Variants in ST3GAL3 observed in about 807,000 individuals in gnomAD.
ST3GAL3 encodes the protein CMP-N-acetylneuraminate-beta-1,4-galactoside alpha-2,3-sialyltransferase.
ST3GAL3 carries 21 observed loss-of-function variants against 50.1 expected under a neutral mutation model. The observed-to-expected ratio is 0.42, with a 90% confidence interval of 0.30 to 0.60. ST3GAL3 has a LOEUF of 0.60. Among genes scored for constraint, ST3GAL3 ranks in the 20% least tolerant of loss-of-function variants. ST3GAL3 has a pLI of 0.19. For synonymous variants in ST3GAL3, 183 were observed against 190.0 expected, an observed-to-expected ratio of 0.96 and a Z score of 0.30; for missense variants, 353 against 489.4, an observed-to-expected ratio of 0.72 and a Z score of 2.63.
intron 5 of ST3GAL3, chr1:43,894,116 TC>T: frequency 2.0e-6 from 1 of 488,036 alleles, no homozygotes; most frequent in Non-Finnish European, 3.8e-6. Flanking sequence ...GAGAAATTGA[TC>T]CTTGCTGAAC....
In ST3GAL3 at chr1:43,893,731, A is replaced by G. The variant is rs530901991; in HGVS notation, c.303-652A>G. Among the ~76,000 whole-genome samples, 12 of 152,146 alleles carry G rather than the reference A, an allele frequency of 7.9e-5. 1 individual carries two copies. In the South Asian group the frequency reaches 2.5e-3, roughly 32 times the overall value. ...GCTCTGGGTCCCTCCTCACTTCCAC[A>G]AGAACTTAGCCTCCTCTCTTTCCTT... is the stretch of plus-strand genomic sequence containing the variant. On this transcript the variant is annotated intron_variant, in intron 5 of 11. Coordinates refer to ENST00000347631, the MANE Select transcript of ST3GAL3 (RefSeq NM_006279.5).
chr1:43,903,670 G>C (rs1000506576), intron 9 of ST3GAL3, among the ~76,000 whole-genome samples: 2 of 152,188 alleles, frequency 1.3e-5, no homozygotes, highest in East Asian at 3.9e-4. Flanking sequence ...GGAGGAGAGG[G>C]AGGAGGGCAG....
At chr1:43,854,656 C>T (rs1401294293) in intron 5 of ST3GAL3, among the ~76,000 whole-genome samples, 1 of 152,224 alleles carries the variant, frequency 6.6e-6, no homozygotes, top group Non-Finnish European at 1.5e-5. Context: ...GACCCAAATA[C>T]CCAACTTCCT....
chr1:43,901,863 C>T (rs556127024), intron 9 of ST3GAL3, among the ~76,000 whole-genome samples: 1 of 152,332 alleles, frequency 6.6e-6, no homozygotes, highest in South Asian at 2.1e-4. Context: ...TACTGTGGGC[C>T]TTCCTTGGCT....
At chr1:43,882,863 C>T (rs182588803) in intron 5 of ST3GAL3, among the ~76,000 whole-genome samples, 1 of 152,306 alleles carries the variant, frequency 6.6e-6, no homozygotes, top group East Asian at 1.9e-4. Context: ...AAAAGAGACT[C>T]CCACAGCCCC....
chr1:43,822,021 A>G (rs1558459458), intron 4 of ST3GAL3, among the ~76,000 whole-genome samples: 1 of 152,254 alleles, frequency 6.6e-6, no homozygotes, highest in African/African-American at 2.4e-5. Context: ...GAAAGAAAAT[A>G]GAGCAAGACA....
chr1:43,832,787 C>T lies in ST3GAL3; in HGVS notation c.210-5432C>T, dbSNP rs370136315. 7.0e-4 allele frequency among the ~76,000 whole-genome samples: 106 copies of T among 152,290 alleles called. 1 individual carries two copies. The South Asian group carries it at 8.9e-3, about 13-fold the overall frequency. On this transcript the variant is annotated intron_variant, in intron 4 of 11. Transcript: ENST00000347631. ...GCGAAGCTGCTTCTGCCATTTCCCTCCTCATGTCATTATCCCAGAAACAAC... is the reference window on the plus strand; with the variant it reads ...GCGAAGCTGCTTCTGCCATTTCCCTTCTCATGTCATTATCCCAGAAACAAC...
chr1:43,794,281 G>T (rs1343627521), intron 3 of ST3GAL3, among the ~76,000 whole-genome samples: 1 of 152,146 alleles, frequency 6.6e-6, no homozygotes, highest in Non-Finnish European at 1.5e-5. Context: ...AAAAGAGAAA[G>T]TCCAAATGGC....
intron 11 of ST3GAL3, among the ~76,000 whole-genome samples, chr1:43,928,098 T>G (rs556371088): frequency 6.6e-6 from 1 of 152,340 alleles, no homozygotes; most frequent in South Asian, 2.1e-4. Context: ...GAAGGTTGAC[T>G]GGATCAGAAT....
At chr1:43,830,916 G>C (rs1333489435) in intron 4 of ST3GAL3, among the ~76,000 whole-genome samples, 1 of 152,174 alleles carries the variant, frequency 6.6e-6, no homozygotes, top group East Asian at 1.9e-4. Flanking sequence ...TAATAATTCA[G>C]ATGAATCTAG....
rs2077975380 is a variant in ST3GAL3, at chr1:43,899,750, T to G, written c.744+23T>G. ...GTGGTAAGCTCTCCTGGCACCAGCTTCTTCCCCTCTTGCCCTGGGCTTCCG... is the reference window on the plus strand; with the variant it reads ...GTGGTAAGCTCTCCTGGCACCAGCTGCTTCCCCTCTTGCCCTGGGCTTCCG... On this transcript the variant is annotated intron_variant, in intron 9 of 11. Coordinates refer to ENST00000347631, the MANE Select transcript of ST3GAL3 (RefSeq NM_006279.5). The surrounding 1 kb of genome is among the most constrained non-coding windows in gnomAD (Gnocchi z 5.4). 1 of 1,610,422 alleles carries G rather than the reference T, an allele frequency of 6.2e-7. No individual in the cohort carries two copies. The highest frequency in any genetic ancestry group is 8.5e-7 in the Non-Finnish European group (1 of 1,177,026).
Position 43,878,095 on chromosome 1 carries a change from A to G in ST3GAL3, c.303-16288A>G, listed in dbSNP as rs116568790. ...GCTCCCTCCAGATGCTCTAGGTCAT[A>G]TCCGTCTCTCGCCTCTTCTGCCTCT... On this transcript the variant is annotated intron_variant, in intron 5 of 11. Coordinates refer to ENST00000347631, the MANE Select transcript of ST3GAL3 (RefSeq NM_006279.5). Among the ~76,000 whole-genome samples the G allele has an allele frequency of 3.0e-3, 450 of 152,242 alleles. 5 individuals are homozygous for G. The highest frequency in any genetic ancestry group is 0.011 in the African/African-American group (438 of 41,538).
At chr1:43,875,897 CTCTTCTTCTTCTTCTTCTTCTTCTTCT>C (rs66500354) in intron 5 of ST3GAL3, among the ~76,000 whole-genome samples, 6,021 of 133,938 alleles carry the variant, frequency 0.045, 199 homozygotes, top group Non-Finnish European at 0.065. Flanking sequence ...TTTAGAATTT[CTCTTCTTCTTCTTCTTCTTCTTCTTCT>C]TCTTCTTCTT....
chr1:43,757,945 C>G (rs1445005522), intron 2 of ST3GAL3, among the ~76,000 whole-genome samples: 2 of 152,038 alleles, frequency 1.3e-5, no homozygotes, highest in Non-Finnish European at 2.9e-5. Flanking sequence ...AAAGTCAATA[C>G]AAGACAAAGG....
intron 4 of ST3GAL3, among the ~76,000 whole-genome samples, chr1:43,817,883 CTTCT>C (rs2061613375): frequency 6.7e-6 from 1 of 150,022 alleles, no homozygotes; most frequent in African/African-American, 2.5e-5. Flanking sequence ...CCTCCTCCTC[CTTCT>C]TTCTTCTTTC....
At chr1:43,838,150 C>T (rs2064738603) in intron 4 of ST3GAL3, 69 bp from the exon 5 acceptor site, 6 of 873,748 alleles carry the variant, frequency 6.9e-6, no homozygotes, top group Non-Finnish European at 1.1e-5. Context: ...ACCTACAGCT[C>T]CTTATGAATT....
rs990901759 is a variant in ST3GAL3, at chr1:43,825,249, C to T, written c.209+10316C>T. 4.6e-5 allele frequency among the ~76,000 whole-genome samples: 7 copies of T among 152,118 alleles called. No homozygotes were observed. The South Asian group carries it at 6.2e-4, about 14-fold the overall frequency. On this transcript the variant is annotated intron_variant, in intron 4 of 11. Transcript: ENST00000347631. ...CAATTATGTTAGGGTAGTGGAATTG[C>T]GGCTACTTTCTTTTGATTCTAAATA... is the stretch of plus-strand genomic sequence containing the variant.
chr1:43,899,482 G>A lies in ST3GAL3; in HGVS notation c.558-59G>A. 6.2e-7 allele frequency: 1 copy of A among 1,603,668 alleles called. No individual in the cohort carries two copies. The highest frequency in any genetic ancestry group is 1.1e-5 in the South Asian group (1 of 90,904). On this transcript the variant is annotated intron_variant, in intron 8 of 11. Coordinates refer to ENST00000347631, the MANE Select transcript of ST3GAL3 (RefSeq NM_006279.5). This position sits in a 1 kb window ranked among gnomAD's most constrained non-coding sequence, Gnocchi z 5.4. ...CTATTCTCCATGCCTGGGATAGTCT[G>A]GGGTCATGGTGCCTTCCCAAACACA...
chr1:43,790,562 G>GC (rs1224105344), intron 2 of ST3GAL3, among the ~76,000 whole-genome samples: 2 of 151,692 alleles, frequency 1.3e-5, no homozygotes, highest in Admixed American at 1.3e-4. Flanking sequence ...GTAGGAAACA[G>GC]CCATACAAGA....
Sources: allele counts gnomAD v4.1 joint callset (sites outside exome capture counted in the v4.1 genomes callset), GRCh38; gene constraint gnomAD v4.1.1; non-coding constraint Gnocchi (gnomAD v3.1); transcripts MANE v1.5; gene names NCBI Gene and HGNC (gene_info 2026-07-23, HGNC 2026-07-21).